SHISA6: variants seen among roughly 807,000 people sequenced by gnomAD.
The protein encoded by SHISA6 is protein shisa-6.
In SHISA6, 22 loss-of-function variants were observed where a neutral mutation model predicts 47.9. The ratio of observed to expected loss-of-function variants is 0.46; its 90% CI spans 0.33 to 0.66. SHISA6 has a LOEUF of 0.66. Ranked by LOEUF, SHISA6 falls within the 30% of genes least tolerant of loss-of-function variation. The probability of loss-of-function intolerance (pLI) is 0.02; values close to 1 mark genes in which losing one functional copy is unlikely to be tolerated. For missense variants in SHISA6, 680 were observed against 764.6 expected, an observed-to-expected ratio of 0.89 and a Z score of 1.30; for synonymous variants, 388 against 337.8, an observed-to-expected ratio of 1.15 and a Z score of -1.63.
At chr17:11,514,272 T>C (rs565222485) in intron 3 of SHISA6, among the ~76,000 whole-genome samples, 1 of 152,298 alleles carries the variant, frequency 6.6e-6, no homozygotes, top group South Asian at 2.1e-4. Flanking sequence ...TGTTTAAATT[T>C]TTGTTTTGTT....
intron 2 of SHISA6, among the ~76,000 whole-genome samples, chr17:11,375,004 G>T (rs553091661): frequency 6.6e-6 from 1 of 152,176 alleles, no homozygotes; most frequent in South Asian, 2.1e-4. Context: ...CAAAAATGAA[G>T]GGGTCAAAAT....
Position 11,558,343 on chromosome 17 carries a change from C to T in SHISA6, c.*39C>T. The T allele has an allele frequency of 6.6e-7, 1 of 1,520,740 alleles. No homozygotes were observed. The highest frequency in any genetic ancestry group is 8.8e-7 in the Non-Finnish European group (1 of 1,137,032). 94.2% of individuals were successfully genotyped at this position (1,520,740 alleles called of 1,614,324 possible). ...GCCGGGGCTGCTGGGCGTGGCAGAG[C>T]AGAGCGGGGGCCGGGAGGGGCCAGG... On this transcript the variant is annotated 3_prime_UTR_variant, in exon 6 of 6. Transcript: ENST00000441885.
At chr17:11,421,142 T>A (rs1348742271) in intron 3 of SHISA6, among the ~76,000 whole-genome samples, 1 of 152,230 alleles carries the variant, frequency 6.6e-6, no homozygotes, top group African/African-American at 2.4e-5. Flanking sequence ...CCCTGTTCTA[T>A]GGCAGCGTTC....
intron 2 of SHISA6, among the ~76,000 whole-genome samples, chr17:11,307,444 A>G (rs912367655): frequency 6.6e-6 from 1 of 152,178 alleles, no homozygotes; most frequent in Non-Finnish European, 1.5e-5. Flanking sequence ...TCTCCAGCTT[A>G]TCGGAAGAGG....
intron 2 of SHISA6, among the ~76,000 whole-genome samples, chr17:11,377,257 C>G (rs1263978785): frequency 2.6e-5 from 4 of 152,122 alleles, no homozygotes; most frequent in Non-Finnish European, 4.4e-5. Context: ...CATGAACCAC[C>G]ACCCCCAGCC....
At chr17:11,243,454 C>T (rs757090223) in intron 1 of SHISA6, among the ~76,000 whole-genome samples, 2 of 152,032 alleles carry the variant, frequency 1.3e-5, no homozygotes, top group African/African-American at 2.4e-5. Context: ...GGCTCTGTCA[C>T]CCTGAGGTGC....
In SHISA6 at chr17:11,243,824, C is replaced by T. The variant is rs556714792; in HGVS notation, c.638+1764C>T. 2.0e-4 allele frequency among the ~76,000 whole-genome samples: 31 copies of T among 152,276 alleles called. No individual in the cohort carries two copies. In the South Asian group the frequency reaches 5.8e-3, roughly 28 times the overall value. On this transcript the variant is annotated intron_variant, in intron 1 of 5. Transcript: ENST00000441885. Reference sequence around the variant, plus strand: ...CTTCTGCTCTGACCACAGCCGCTTGCTCGTTGATTCCTACACATCTTTCTT... The same window carrying T: ...CTTCTGCTCTGACCACAGCCGCTTGTTCGTTGATTCCTACACATCTTTCTT...
intron 3 of SHISA6, among the ~76,000 whole-genome samples, chr17:11,453,886 C>G (rs2142308029): frequency 6.6e-6 from 1 of 152,188 alleles, no homozygotes; most frequent in African/African-American, 2.4e-5. Flanking sequence ...CAGTTGTTGC[C>G]AGGGATTAAG....
At chr17:11,457,021 C>T (rs551158669) in intron 3 of SHISA6, among the ~76,000 whole-genome samples, 12 of 152,148 alleles carry the variant, frequency 7.9e-5, no homozygotes, top group African/African-American at 2.2e-4. Flanking sequence ...TCTGCTGTGC[C>T]GTATGCTCCC....
chr17:11,241,485 C>T lies in SHISA6; in HGVS notation c.63C>T (p.Pro21=). The T allele has an allele frequency of 8.5e-7, 1 of 1,180,638 alleles. No homozygotes were observed. The highest frequency in any genetic ancestry group is 2.0e-5 in the South Asian group (1 of 50,700). 73.1% of individuals were successfully genotyped at this position (1,180,638 alleles called of 1,614,324 possible). The change falls in exon 1 of 6, where the codon CCC becomes CCT. Residue 21 remains proline, a synonymous_variant. Coordinates refer to ENST00000441885, the MANE Select transcript of SHISA6 (RefSeq NM_207386.4). This position sits in a 1 kb window ranked among gnomAD's most constrained non-coding sequence, Gnocchi z 5.5. ...CGCTGGAGTCCCTGGACCTGCTGCC[C>T]AGCGTCCACGGAGCCCGCGGCCGCG... ...LLSLESLDLL[P]SVHGARGRAA...
chr17:11,455,837 A>T (rs1322293513), intron 3 of SHISA6, among the ~76,000 whole-genome samples: 4 of 152,164 alleles, frequency 2.6e-5, no homozygotes, highest in Non-Finnish European at 5.9e-5. Flanking sequence ...TGGTCATCGA[A>T]AAGCTCTTGG....
intron 2 of SHISA6, among the ~76,000 whole-genome samples, chr17:11,280,685 G>A (rs750240121): frequency 6.6e-6 from 1 of 152,206 alleles, no homozygotes; most frequent in Non-Finnish European, 1.5e-5. Context: ...TGGTCAGAAA[G>A]CTGTGGAGGA....
At chr17:11,385,771 A>C (rs2142250240) in intron 3 of SHISA6, among the ~76,000 whole-genome samples, 1 of 152,254 alleles carries the variant, frequency 6.6e-6, no homozygotes, top group South Asian at 2.1e-4. Context: ...GGACCTACAG[A>C]AAAGACAACT....
intron 3 of SHISA6, among the ~76,000 whole-genome samples, chr17:11,510,928 C>G (rs549991845): frequency 2.4e-4 from 36 of 152,174 alleles, no homozygotes; most frequent in Non-Finnish European, 4.4e-4. Flanking sequence ...GGGTTCAGAC[C>G]CCAGTTCTGC....
chr17:11,447,451 C>G (rs911945621), intron 3 of SHISA6, among the ~76,000 whole-genome samples: 1 of 152,150 alleles, frequency 6.6e-6, no homozygotes, highest in African/African-American at 2.4e-5. Context: ...CCACAGCTTC[C>G]CGGAACTGGC....
chr17:11,464,447 C>A (rs1027046633), intron 3 of SHISA6, among the ~76,000 whole-genome samples: 6 of 152,158 alleles, frequency 3.9e-5, no homozygotes, highest in Admixed American at 3.3e-4. Context: ...TCTTGTCACC[C>A]TGTGGAAGAA....
intron 3 of SHISA6, among the ~76,000 whole-genome samples, chr17:11,411,122 C>A (rs12165022): frequency 0.04 from 6,100 of 151,818 alleles, 386 homozygotes; most frequent in African/African-American, 0.14. Context: ...GCGCCTGCCG[C>A]CACGCCCGGC....
At chr17:11,464,745 C>T (rs1318991578) in intron 3 of SHISA6, among the ~76,000 whole-genome samples, 1 of 152,154 alleles carries the variant, frequency 6.6e-6, no homozygotes, top group East Asian at 1.9e-4. Flanking sequence ...GAGTTCGAGA[C>T]CAGCCTGGCC....
intron 3 of SHISA6, among the ~76,000 whole-genome samples, chr17:11,546,437 T>C (rs576487660): frequency 1.3e-5 from 2 of 152,220 alleles, no homozygotes; most frequent in South Asian, 4.2e-4. Flanking sequence ...GGACAACCCA[T>C]GAAGTACCAC....
Sources: gnomAD v4.1 joint callset for allele counts (sites outside exome capture counted in the v4.1 genomes callset) on GRCh38, gnomAD v4.1.1 for gene constraint, Gnocchi (gnomAD v3.1) non-coding constraint, MANE v1.5 for transcripts, NCBI Gene and HGNC (gene_info 2026-07-23, HGNC 2026-07-21) for gene names.